Variants in SOCS5 observed in about 807,000 individuals in gnomAD.
SOCS5 encodes the protein CIS-6.
Under a neutral mutation model 42.8 loss-of-function variants are expected in SOCS5, and 32 were observed. The observed-to-expected ratio is 0.75, with a 90% CI of 0.56 to 1.01. The LOEUF (loss-of-function observed/expected upper bound fraction) is 1.01. Ranked by LOEUF, SOCS5 falls within the 50% of genes least tolerant of loss-of-function variation. The pLI, the probability that SOCS5 is intolerant of heterozygous loss-of-function variation, is 0.00. For missense variants in SOCS5, 627 were observed against 653.0 expected (o/e 0.96, Z 0.43); for synonymous variants, 283 against 229.6 (o/e 1.23, Z -2.10).
intron 1 of SOCS5, among the ~76,000 whole-genome samples, chr2:46,733,506 G>A (rs1203354502): frequency 6.7e-6 from 1 of 149,554 alleles, no homozygotes; most frequent in Admixed American, 6.7e-5. Flanking sequence ...CCAGGAGGTC[G>A]AGGCTGCAGT....
chr2:46,731,600 G>T (rs1447506987), intron 1 of SOCS5, among the ~76,000 whole-genome samples: 1 of 152,208 alleles, frequency 6.6e-6, no homozygotes, highest in Admixed American at 6.5e-5. Context: ...TGTGGATGTG[G>T]TATGTTGGAG....
intron 1 of SOCS5, among the ~76,000 whole-genome samples, chr2:46,723,161 A>T (rs1423735274): frequency 6.6e-6 from 1 of 152,046 alleles, no homozygotes; most frequent in Admixed American, 6.6e-5. Flanking sequence ...TAATTTGGTG[A>T]AGTCCAGTTC....
chr2:46,726,660 G>A (rs1672998828), intron 1 of SOCS5, among the ~76,000 whole-genome samples: 2 of 151,832 alleles, frequency 1.3e-5, no homozygotes, highest in Admixed American at 1.3e-4. Context: ...CAAGTTCACT[G>A]ACTTTCCTAT....
intron 1 of SOCS5, among the ~76,000 whole-genome samples, chr2:46,707,418 A>T (rs1214841551): frequency 6.6e-6 from 1 of 152,222 alleles, no homozygotes; most frequent in East Asian, 1.9e-4. Context: ...TGTAAATAGT[A>T]TAAGAGCGCT....
chr2:46,718,883 G>A (rs932245227), intron 1 of SOCS5, among the ~76,000 whole-genome samples: 1 of 152,102 alleles, frequency 6.6e-6, no homozygotes, highest in Non-Finnish European at 1.5e-5. Context: ...ATGGCAGTTT[G>A]GCAATATTCA....
At chr2:46,725,267 A>G (rs899243221) in intron 1 of SOCS5, among the ~76,000 whole-genome samples, 1 of 152,008 alleles carries the variant, frequency 6.6e-6, no homozygotes, top group Admixed American at 6.5e-5. Flanking sequence ...TTTGAAATAA[A>G]TTTCTTGTAG....
rs1404518372 is a variant in SOCS5 at position 46,752,107 on chromosome 2, A to G, written c.-12-6412A>G. On this transcript the variant is annotated intron_variant, in intron 1 of 1. Coordinates refer to ENST00000394861, the MANE Select transcript of SOCS5 (RefSeq NM_144949.3). ...AAACATTTACTGCCTGGCCTTTTGG[A>G]GAAAATGTTTGCTGAACCCTGTACC... is the stretch of plus-strand genomic sequence containing the variant. 2.6e-5 allele frequency among the ~76,000 whole-genome samples: 4 copies of G among 151,980 alleles called. No individual in the cohort carries two copies. In the East Asian group the frequency reaches 7.7e-4, roughly 29 times the overall value.
intron 1 of SOCS5, among the ~76,000 whole-genome samples, chr2:46,741,305 T>A (rs942810013): frequency 6.6e-6 from 1 of 152,136 alleles, no homozygotes; most frequent in African/African-American, 2.4e-5. Flanking sequence ...AGTGGTGCGA[T>A]CTCAGCTCGC....
intron 1 of SOCS5, among the ~76,000 whole-genome samples, chr2:46,708,996 C>T (rs1672556038): frequency 6.7e-6 from 1 of 149,658 alleles, no homozygotes; most frequent in African/African-American, 2.5e-5. Context: ...AACAGATTCT[C>T]CTGCCTCAGC....
chr2:46,742,010 T>C (rs1348104110), intron 1 of SOCS5, among the ~76,000 whole-genome samples: 3 of 152,220 alleles, frequency 2.0e-5, no homozygotes, highest in Non-Finnish European at 4.4e-5. Context: ...CACATTAGTG[T>C]GTGACAATGC....
intron 1 of SOCS5, among the ~76,000 whole-genome samples, chr2:46,737,001 A>T (rs1216975292): frequency 6.6e-6 from 1 of 152,196 alleles, no homozygotes; most frequent in East Asian, 1.9e-4. Context: ...GGATTTAGGG[A>T]TGCTCAACCT....
At chr2:46,700,348 C>G (rs559490353) in intron 1 of SOCS5, among the ~76,000 whole-genome samples, 8 of 152,294 alleles carry the variant, frequency 5.3e-5, no homozygotes, top group African/African-American at 9.6e-5. Context: ...CTATCAGTCA[C>G]AAGTTTTTCT....
At chr2:46,699,279 G>C (rs1323055478), upstream of SOCS5, 1 of 152,390 alleles carries the variant, frequency 6.6e-6, no homozygotes, top group African/African-American at 2.4e-5. This position sits in a 1 kb window ranked among gnomAD's most constrained non-coding sequence, Gnocchi z 4.8. Flanking sequence ...CGGCGGAGCT[G>C]GGGTCCCCGG....
intron 1 of SOCS5, 109 bp from the exon 2 acceptor site, chr2:46,758,410 G>T: frequency 2.8e-6 from 2 of 724,864 alleles, no homozygotes; most frequent in Non-Finnish European, 4.6e-6. Flanking sequence ...TGAACGCTTG[G>T]CCAGTATCAC....
chr2:46,718,095 T>TTGTGTG lies in SOCS5; in HGVS notation c.-13+18664_-13+18669dup, dbSNP rs10539315. On this transcript the variant is annotated intron_variant, in intron 1 of 1. Transcript: ENST00000394861. ...CTCAACTCAGTGAGATTCTTGTGTT[T>TTGTGTG]TGTGTGTGTGTGTGTGTGTGTGTTT... Among the ~76,000 whole-genome samples, 3 of 150,226 alleles carry TTGTGTG rather than the reference T, an allele frequency of 2.0e-5. No homozygotes were observed. The South Asian group carries it at 6.3e-4, about 32-fold the overall frequency.
intron 1 of SOCS5, among the ~76,000 whole-genome samples, chr2:46,738,926 G>A (rs114493244): frequency 0.012 from 1,836 of 152,242 alleles, 32 homozygotes; most frequent in African/African-American, 0.039. Flanking sequence ...GGATAAGAAC[G>A]CAGATTCTTT....
Position 46,760,150 on chromosome 2 carries a change from G to T in SOCS5, c.*9G>T, listed in dbSNP as rs754504759. On this transcript the variant is annotated 3_prime_UTR_variant, in exon 2 of 2. Coordinates refer to ENST00000394861, the MANE Select transcript of SOCS5 (RefSeq NM_144949.3). ...CAGTCAAGGCAAAGTAAACTCTCCG[G>T]TCCCCAAAGGTTGTTAACTAGGTCC... 8 of 1,602,308 alleles carry T rather than the reference G, an allele frequency of 5.0e-6. No individual in the cohort carries two copies. Among genetic ancestry groups the T allele is most frequent in the African/African-American group, 4.0e-5 (3 of 74,484 alleles).
intron 1 of SOCS5, among the ~76,000 whole-genome samples, chr2:46,715,469 T>A (rs1475958634): frequency 6.6e-6 from 1 of 152,168 alleles, no homozygotes; most frequent in Non-Finnish European, 1.5e-5. Flanking sequence ...CCATCCAAGT[T>A]TGTGTCTAGT....
chr2:46,754,129 C>A (rs1466663186), intron 1 of SOCS5, among the ~76,000 whole-genome samples: 1 of 152,086 alleles, frequency 6.6e-6, no homozygotes, highest in Non-Finnish European at 1.5e-5. Flanking sequence ...TGGGGTTGCT[C>A]TGGTTCAAAC....
Sources: allele counts gnomAD v4.1 joint callset (sites outside exome capture counted in the v4.1 genomes callset), GRCh38; gene constraint gnomAD v4.1.1; non-coding constraint Gnocchi (gnomAD v3.1); transcripts MANE v1.5; gene names NCBI Gene and HGNC (gene_info 2026-07-23, HGNC 2026-07-21).